The following MMAB variants were observed in gnomAD, a reference collection of about 807,000 sequenced individuals.
MMAB encodes metabolism of cobalamin associated B.
Under a neutral mutation model 30.6 loss-of-function variants are expected in MMAB, and 17 were observed. That is an observed-to-expected ratio of 0.56 (90% CI 0.38 to 0.83). MMAB has a LOEUF of 0.83. Among genes scored for constraint, MMAB ranks in the 40% least tolerant of loss-of-function variants. The pLI, the probability that MMAB is intolerant of heterozygous loss-of-function variation, is 0.00. For missense variants in MMAB, 311 were observed against 331.6 expected, an observed-to-expected ratio of 0.94 and a Z score of 0.48; for synonymous variants, 134 against 138.6, an observed-to-expected ratio of 0.97 and a Z score of 0.23.
chr12:109,568,706 C>T (rs1212024935), intron 3 of MMAB, 64 bp downstream of exon 3: 5 of 1,250,916 alleles, frequency 4.0e-6, no homozygotes, highest in African/African-American at 1.5e-5. Flanking sequence ...GAGAGCTTCA[C>T]ATTCATTACG....
In MMAB at chr12:109,568,756, C is replaced by G; in HGVS notation, c.290+14G>C. 6.2e-7 allele frequency: 1 copy of G among 1,606,562 alleles called. No individual in the cohort carries two copies. The highest frequency in any genetic ancestry group is 8.5e-7 in the Non-Finnish European group (1 of 1,173,102). The stretch of plus-strand genomic sequence containing the variant: ...ACTCAAACGCAACCTCAAGGCCAAT[C>G]CTGTCCCCCTTACCCAATAGCTGAA... On this transcript the variant is annotated intron_variant, in intron 3 of 8. Transcript: ENST00000545712.
intron 7 of MMAB, among the ~76,000 whole-genome samples, chr12:109,559,365 G>A (rs529914095): frequency 3.3e-5 from 5 of 152,318 alleles, no homozygotes; most frequent in African/African-American, 1.2e-4. Flanking sequence ...AGGACGGCCT[G>A]GCCAAGGAGG....
At chr12:109,570,041 C>T in intron 2 of MMAB, 1 of 268,564 alleles carries the variant, frequency 3.7e-6, no homozygotes, top group Admixed American at 4.8e-5. Flanking sequence ...GTGGGCAGAT[C>T]ACTTGAGGCC....
At position 109,558,392 on chromosome 12, in the gene MMAB, T is replaced by G. The variant is rs1469947143; in HGVS notation, c.644+704A>C. 6.6e-6 allele frequency among the ~76,000 whole-genome samples: 1 copy of G among 151,178 alleles called. No homozygotes were observed. Among genetic ancestry groups the G allele is most frequent in the Non-Finnish European group, 1.5e-5 (1 of 67,798 alleles). On this transcript the variant is annotated intron_variant, in intron 8 of 8. Transcript: ENST00000545712. The surrounding 1 kb of genome is among the most constrained non-coding windows in gnomAD (Gnocchi z 4.3). ...CAAAGCGCCATGTCTCTGGGAGGAG[T>G]GGCCACAGTCAAGGGCCTGAGGTCA...
Position 109,563,409 on chromosome 12 carries a change from C to T in MMAB, c.349-1557G>A, listed in dbSNP as rs72650188. On this transcript the variant is annotated intron_variant, in intron 4 of 8. Transcript: ENST00000545712. ...TGAGGAAAGCAGTGGCATTGCTGCC[C>T]GGCCTCATCCACAGGCCCTGCGAGC... 3.8e-3 allele frequency among the ~76,000 whole-genome samples: 584 copies of T among 152,334 alleles called. 3 individuals are homozygous for T. Among genetic ancestry groups the T allele is most frequent in the Non-Finnish European group, 5.6e-3 (382 of 68,034 alleles).
In MMAB at chr12:109,558,328, A is replaced by AC. The variant is rs1884053866; in HGVS notation, c.644+767dup. Among the ~76,000 whole-genome samples, 1 of 151,400 alleles carries AC rather than the reference A, an allele frequency of 6.6e-6. No homozygotes were observed. Among genetic ancestry groups the AC allele is most frequent in the South Asian group, 2.1e-4 (1 of 4,746 alleles). The stretch of plus-strand genomic sequence containing the variant: ...AGACCTGCTCCTCACTCCCGGCGAA[A>AC]CCCCCCTCCCAGAAGGAAAGGAGCT... On this transcript the variant is annotated intron_variant, in intron 8 of 8. Transcript: ENST00000545712. The surrounding 1 kb of genome is among the most constrained non-coding windows in gnomAD (Gnocchi z 4.3).
At chr12:109,566,148 C>T (rs1841390742) in intron 3 of MMAB, among the ~76,000 whole-genome samples, 2 of 152,358 alleles carry the variant, frequency 1.3e-5, no homozygotes, top group South Asian at 2.1e-4. Flanking sequence ...CAGAGCCATG[C>T]ACCACTGGGG....
At chr12:109,557,166 G>T (rs759053946) in intron 8 of MMAB, 30 bp from the exon 9 acceptor site, 1 of 1,460,366 alleles carries the variant, frequency 6.8e-7, no homozygotes, top group African/African-American at 1.4e-5. Context: ...GAAGCAAACA[G>T]AATGGTTTGA....
In MMAB at chr12:109,555,619, C is replaced by G. The variant is rs72650177; in HGVS notation, c.*1409G>C. On this transcript the variant is annotated 3_prime_UTR_variant, in exon 9 of 9. Coordinates refer to ENST00000545712, the MANE Select transcript of MMAB (RefSeq NM_052845.4). ...GACTCCGTACCAGACCTGGTAGTGACGATGGGGGCAGGGAGGCACGGAACA... is the reference window on the plus strand; with the variant it reads ...GACTCCGTACCAGACCTGGTAGTGAGGATGGGGGCAGGGAGGCACGGAACA... 1.8e-5 allele frequency: 8 copies of G among 451,258 alleles called. No individual in the cohort carries two copies. The highest frequency in any genetic ancestry group is 1.6e-4 in the African/African-American group (8 of 49,716). The allele number at this position is 451,258 out of a possible 1,614,324, so 28.0% of individuals were successfully genotyped here.
intron 8 of MMAB, 78 bp downstream of exon 8, chr12:109,559,018 C>CAGACCGCT: frequency 9.2e-7 from 1 of 1,085,926 alleles, no homozygotes; most frequent in Non-Finnish European, 1.4e-6. Flanking sequence ...CACTGCTTCC[C>CAGACCGCT]GGACCGCTGC....
intron 2 of MMAB, 48 bp from the exon 3 acceptor site, chr12:109,568,911 G>T: frequency 7.5e-7 from 1 of 1,326,824 alleles, no homozygotes; most frequent in Non-Finnish European, 1.1e-6. Context: ...CTGTTTTCCT[G>T]ATATGCTGTT....
Position 109,561,129 on chromosome 12 carries a change from T to C in MMAB, c.520-25A>G. Reference sequence around the variant, plus strand: ...ACTGAAAGGAGAAAGGGACATTGCCTGAGCAGGGTGGGAAAGGTGTGCCCA... The same window carrying C: ...ACTGAAAGGAGAAAGGGACATTGCCCGAGCAGGGTGGGAAAGGTGTGCCCA... On this transcript the variant is annotated intron_variant, in intron 6 of 8. Coordinates refer to ENST00000545712, the MANE Select transcript of MMAB (RefSeq NM_052845.4). The surrounding 1 kb of genome is among the most constrained non-coding windows in gnomAD (Gnocchi z 5.3). The C allele has an allele frequency of 6.2e-7, 1 of 1,607,330 alleles. No homozygotes were observed. Among genetic ancestry groups the C allele is most frequent in the Non-Finnish European group, 8.5e-7 (1 of 1,179,890 alleles).
intron 8 of MMAB, among the ~76,000 whole-genome samples, 178 bp from the exon 9 acceptor site, chr12:109,557,314 C>G (rs1427558707): frequency 1.3e-5 from 2 of 152,252 alleles, no homozygotes; most frequent in African/African-American, 4.8e-5. Flanking sequence ...ACGAGGCCAG[C>G]TGCTGTGAAT....
intron 2 of MMAB, among the ~76,000 whole-genome samples, chr12:109,571,385 G>C (rs1481876666): frequency 6.6e-6 from 1 of 151,928 alleles, no homozygotes; most frequent in Non-Finnish European, 1.5e-5. Flanking sequence ...AGTAGCTGCT[G>C]GGGTTACAGG....
chr12:109,570,231 T>G (rs1197949693), intron 2 of MMAB: 2 of 180,806 alleles, frequency 1.1e-5, no homozygotes, highest in Non-Finnish European at 2.4e-5. Flanking sequence ...CACTCCAGCC[T>G]GGGCAACAGA....
chr12:109,564,875 T>C lies in MMAB; in HGVS notation c.348+244A>G, dbSNP rs187106190. On this transcript the variant is annotated intron_variant, in intron 4 of 8. Coordinates refer to ENST00000545712, the MANE Select transcript of MMAB (RefSeq NM_052845.4). ...CAAATATTTTGTAGAGTCAGGGTCT[T>C]ATTATGTTACCTAGGCTCCTGGCCT... The C allele has an allele frequency of 1.7e-4, 105 of 609,000 alleles. 1 individual carries two copies. The East Asian group carries it at 2.8e-3, about 16-fold the overall frequency. 37.7% of individuals were successfully genotyped at this position (609,000 alleles called of 1,614,324 possible). A position where few individuals can be genotyped will look rare whatever the true frequency, so the allele number is the denominator to read the frequency against.
intron 7 of MMAB, among the ~76,000 whole-genome samples, chr12:109,560,475 G>C (rs1884152742): frequency 6.6e-6 from 1 of 152,222 alleles, no homozygotes; most frequent in African/African-American, 2.4e-5. Context: ...CCTGGTCTCT[G>C]AGTGGTGTAG....
In MMAB at chr12:109,554,000, A is replaced by G. The variant is rs1395627616; in HGVS notation, c.*3028T>C. On this transcript the variant is annotated 3_prime_UTR_variant, in exon 9 of 9. Transcript: ENST00000545712. ...ATAGCCATGAAATATTAGTTAAGGG[A>G]AACTAGGTTGAGAAATGAGACAGCA... is the stretch of plus-strand genomic sequence containing the variant. The G allele has an allele frequency of 2.2e-6, 1 of 454,004 alleles. No individual in the cohort carries two copies. Among genetic ancestry groups the G allele is most frequent in the African/African-American group, 2.0e-5 (1 of 50,004 alleles). 28.1% of individuals were successfully genotyped at this position (454,004 alleles called of 1,614,324 possible). A position where few individuals can be genotyped will look rare whatever the true frequency, so the allele number is the denominator to read the frequency against.
chr12:109,570,316 C>G (rs1017520813), intron 2 of MMAB, among the ~76,000 whole-genome samples: 1 of 152,080 alleles, frequency 6.6e-6, no homozygotes, highest in Non-Finnish European at 1.5e-5. Flanking sequence ...AGGATTCAAT[C>G]CAGAACAAAG....
Sources: allele counts gnomAD v4.1 joint callset (sites outside exome capture counted in the v4.1 genomes callset), GRCh38; gene constraint gnomAD v4.1.1; non-coding constraint Gnocchi (gnomAD v3.1); transcripts MANE v1.5; gene names NCBI Gene and HGNC (gene_info 2026-07-23, HGNC 2026-07-21).